The following VPS54 variants were observed in gnomAD, a reference collection of about 807,000 sequenced individuals.
The protein encoded by VPS54 is VPS54 subunit of GARP complex.
In VPS54, 45 loss-of-function variants were observed where a neutral mutation model predicts 121.5. That is an observed-to-expected ratio of 0.37 (90% confidence interval 0.29 to 0.47). VPS54 has a LOEUF of 0.47. Ranked by LOEUF, VPS54 falls within the 20% of genes least tolerant of loss-of-function variation. The probability of loss-of-function intolerance (pLI) is 0.99; values close to 1 mark genes in which losing one functional copy is unlikely to be tolerated. For missense variants in VPS54, 1,090 were observed against 1,131.4 expected (o/e 0.96, Z 0.52); for synonymous variants, 371 against 385.8 (o/e 0.96, Z 0.45).
intron 3 of VPS54, among the ~76,000 whole-genome samples, chr2:63,976,831 T>C (rs907475081): frequency 7.0e-6 from 1 of 142,484 alleles, no homozygotes; most frequent in Non-Finnish European, 1.5e-5. Context: ...TTCTCTTTTT[T>C]TTTTTTTTTT....
At chr2:63,925,486 A>G (rs1673854833) in intron 12 of VPS54, among the ~76,000 whole-genome samples, 1 of 152,252 alleles carries the variant, frequency 6.6e-6, no homozygotes, top group East Asian at 1.9e-4. Context: ...TAAATTGACC[A>G]TTCACATACT....
At chr2:63,945,925 T>C (rs1674957891) in intron 9 of VPS54, among the ~76,000 whole-genome samples, 1 of 152,074 alleles carries the variant, frequency 6.6e-6, no homozygotes, top group African/African-American at 2.4e-5. Flanking sequence ...ATACAGAAAA[T>C]TGTACAAATT....
At chr2:63,938,062 GTGTGTGT>G (rs1674541832) in intron 11 of VPS54, among the ~76,000 whole-genome samples, 1 of 149,318 alleles carries the variant, frequency 6.7e-6, no homozygotes, top group Non-Finnish European at 1.5e-5. Flanking sequence ...TGTGTGTGGT[GTGTGTGT>G]GTGTGTGTGT....
At chr2:63,911,138 G>A (rs1673131351) in intron 20 of VPS54, among the ~76,000 whole-genome samples, 1 of 152,122 alleles carries the variant, frequency 6.6e-6, no homozygotes, top group Non-Finnish European at 1.5e-5. Context: ...ATATGTTACC[G>A]ACTTTTGGTA....
Position 63,949,017 on chromosome 2 carries a change from T to G in VPS54, c.1137+20A>C, listed in dbSNP as rs780127113. 3 of 1,606,796 alleles carry G rather than the reference T, an allele frequency of 1.9e-6. No individual in the cohort carries two copies. Among genetic ancestry groups the G allele is most frequent in the Non-Finnish European group, 2.5e-6 (3 of 1,177,856 alleles). On this transcript the variant is annotated intron_variant, in intron 8 of 22. Transcript: ENST00000272322. ...TGTTAAGCAATGGCATCAACTTCAT[T>G]CCACAGTTAAAACACATACCTCTTC...
chr2:63,972,768 T>C (rs976472843), intron 3 of VPS54, among the ~76,000 whole-genome samples: 13 of 151,616 alleles, frequency 8.6e-5, no homozygotes, highest in South Asian at 2.1e-4. Flanking sequence ...ATCCCAGCTA[T>C]TGGGGAGGCT....
chr2:64,017,165 C>T (rs1576030645), intron 1 of VPS54, among the ~76,000 whole-genome samples: 1 of 150,984 alleles, frequency 6.6e-6, no homozygotes, highest in South Asian at 2.1e-4. Context: ...TATGGTGAAA[C>T]CCCCGTCTCT....
chr2:63,920,165 G>A (rs1312872714), intron 14 of VPS54, among the ~76,000 whole-genome samples, 170 bp from the exon 15 acceptor site: 1 of 152,012 alleles, frequency 6.6e-6, no homozygotes, highest in African/African-American at 2.4e-5. Context: ...TTATATCTCA[G>A]CCTAATCAAA....
intron 21 of VPS54, among the ~76,000 whole-genome samples, chr2:63,898,578 ACTAAGAAAGCCACCC>A (rs1558975810): frequency 6.6e-6 from 1 of 152,154 alleles, no homozygotes; most frequent in African/African-American, 2.4e-5. Flanking sequence ...GGCAAGAGAC[ACTAAGAAAGCCACCC>A]TCTGCTCCCA....
chr2:63,993,831 G>A (rs1485747730), intron 1 of VPS54, among the ~76,000 whole-genome samples: 2 of 152,204 alleles, frequency 1.3e-5, no homozygotes, highest in South Asian at 2.1e-4. Context: ...GATGGCTCCA[G>A]TAATGGAAAT....
At chr2:63,912,320 T>C in intron 20 of VPS54, 25 bp downstream of exon 20, 1 of 1,548,860 alleles carries the variant, frequency 6.5e-7, no homozygotes, top group African/African-American at 1.4e-5. Flanking sequence ...TTGAACAAAG[T>C]CTAATAATTT....
intron 3 of VPS54, among the ~76,000 whole-genome samples, chr2:63,973,001 G>A (rs1676358022): frequency 6.6e-6 from 1 of 152,046 alleles, no homozygotes; most frequent in Admixed American, 6.6e-5. Context: ...TATCTTTTCA[G>A]AGATATCACC....
intron 8 of VPS54, among the ~76,000 whole-genome samples, chr2:63,948,414 G>GT (rs560700373): frequency 0.18 from 19,532 of 106,084 alleles, 2,427 homozygotes; most frequent in Non-Finnish European, 0.26. Context: ...CACTTTTTCG[G>GT]TTTTTTTTTT....
At chr2:63,916,587 G>A (rs1451329780) in intron 16 of VPS54, among the ~76,000 whole-genome samples, 1 of 152,112 alleles carries the variant, frequency 6.6e-6, no homozygotes, top group Non-Finnish European at 1.5e-5. Context: ...AAGATAGAAA[G>A]AGCCTGGGAT....
At chr2:63,951,676 G>A (rs967495555) in intron 7 of VPS54, among the ~76,000 whole-genome samples, 46 of 152,152 alleles carry the variant, frequency 3.0e-4, no homozygotes, top group Admixed American at 1.4e-3. Context: ...ATATTTTATG[G>A]TAGTAAATGA....
chr2:63,932,206 C>T (rs189586380), intron 12 of VPS54, among the ~76,000 whole-genome samples: 43 of 152,232 alleles, frequency 2.8e-4, no homozygotes, highest in African/African-American at 8.9e-4. Flanking sequence ...CACATGCACA[C>T]GTATGTTTAC....
intron 1 of VPS54, among the ~76,000 whole-genome samples, chr2:64,013,649 TAG>T (rs1491197444): frequency 6.9e-6 from 1 of 145,512 alleles, no homozygotes; most frequent in Admixed American, 6.9e-5. Flanking sequence ...TATCAATATA[TAG>T]ATATATATTG....
Position 63,893,131 on chromosome 2 carries a change from G to T in VPS54, c.*299C>A. The T allele has an allele frequency of 2.3e-6, 1 of 438,406 alleles. No homozygotes were observed. Among genetic ancestry groups the T allele is most frequent in the South Asian group, 2.2e-5 (1 of 44,782 alleles). 27.2% of individuals were successfully genotyped at this position (438,406 alleles called of 1,614,324 possible). On this transcript the variant is annotated 3_prime_UTR_variant, in exon 23 of 23. Coordinates refer to ENST00000272322, the MANE Select transcript of VPS54 (RefSeq NM_016516.3). ...GAGCATTCTAGTCAACTACAGCTGT[G>T]TTACAGCTATGTGTTCTTTTGGATT...
intron 1 of VPS54, among the ~76,000 whole-genome samples, chr2:64,011,963 GTAAA>G (rs1678450359): frequency 6.6e-6 from 1 of 152,114 alleles, no homozygotes; most frequent in South Asian, 2.1e-4. Flanking sequence ...CAATAAGTCA[GTAAA>G]TAGTTTACAA....
Sources: allele counts gnomAD v4.1 joint callset (sites outside exome capture counted in the v4.1 genomes callset), GRCh38; gene constraint gnomAD v4.1.1; transcripts MANE v1.5; gene names NCBI Gene and HGNC (gene_info 2026-07-23, HGNC 2026-07-21).